KRTAP21-3: variants seen among roughly 807,000 people sequenced by gnomAD.
The protein encoded by KRTAP21-3 is keratin-associated protein 21-3.
For synonymous variants in KRTAP21-3, 22 were observed against 23.4 expected, an observed-to-expected ratio of 0.94 and a Z score of 0.17; for missense variants, 65 against 70.3, an observed-to-expected ratio of 0.92 and a Z score of 0.27.
Position 30,718,755 on chromosome 21 carries a change from T to C in KRTAP21-3, c.5A>G (p.Tyr2Cys), listed in dbSNP as rs1175905716. The C allele has an allele frequency of 6.5e-7, 1 of 1,530,590 alleles. No individual in the cohort carries two copies. Among genetic ancestry groups the C allele is most frequent in the African/African-American group, 1.4e-5 (1 of 71,776 alleles). The allele number at this position is 1,530,590 out of a possible 1,614,324, so 94.8% of individuals were successfully genotyped here. Reference protein sequence around the residue: MYFNYKSVCGSC... With the variant: MCFNYKSVCGSC... ...CCCACACACACTTTTGTAATTGAAA[T>C]ACATAGTGTCAGGAGATGAGAATTC... Residue 2 changes from tyrosine (Y) to cysteine (C), a missense_variant, in exon 1 of 1, where the codon TAT becomes TGT. Tyr to Cys is a radical substitution (Grantham distance 194). Transcript: ENST00000444335.
In KRTAP21-3 at chr21:30,718,738, C is replaced by G; in HGVS notation, c.22G>C (p.Val8Leu). 6.5e-7 allele frequency: 1 copy of G among 1,536,088 alleles called. No individual in the cohort carries two copies. The highest frequency in any genetic ancestry group is 8.8e-7 in the Non-Finnish European group (1 of 1,141,916). Residue 8 changes from valine to leucine, a missense_variant, in exon 1 of 1, where the codon GTG becomes CTG. Coordinates refer to ENST00000444335, the MANE Select transcript of KRTAP21-3 (RefSeq NM_001164435.1). ...GAGCCAAATCCACAGCTCCCACACA[C>G]ACTTTTGTAATTGAAATACATAGTG... The part of the protein sequence containing the change: MYFNYKS[V>L]CGSCGFGSCY...
rs1028394462 is a variant in KRTAP21-3 at position 30,718,550 on chromosome 21, C to T, written c.*33G>A. 1 of 1,482,826 alleles carries T rather than the reference C, an allele frequency of 6.7e-7. No homozygotes were observed. Among genetic ancestry groups the T allele is most frequent in the Non-Finnish European group, 8.9e-7 (1 of 1,117,370 alleles). The allele number at this position is 1,482,826 out of a possible 1,614,324, so 91.9% of individuals were successfully genotyped here. A position where few individuals can be genotyped will look rare whatever the true frequency, so the allele number is the denominator to read the frequency against. Reference sequence around the variant, plus strand: ...AGGATTGAAGGTGATTAAAGCAGAACAGATCTTTGAGAAACTAAATAAGAA... The same window carrying T: ...AGGATTGAAGGTGATTAAAGCAGAATAGATCTTTGAGAAACTAAATAAGAA... On this transcript the variant is annotated 3_prime_UTR_variant, in exon 1 of 1. Coordinates refer to ENST00000444335, the MANE Select transcript of KRTAP21-3 (RefSeq NM_001164435.1).
chr21:30,718,762 T>G lies in KRTAP21-3; in HGVS notation c.-3A>C. 1 of 1,506,524 alleles carries G rather than the reference T, an allele frequency of 6.6e-7. No individual in the cohort carries two copies. Among genetic ancestry groups the G allele is most frequent in the South Asian group, 1.3e-5 (1 of 75,646 alleles). 93.3% of individuals were successfully genotyped at this position (1,506,524 alleles called of 1,614,324 possible). A position where few individuals can be genotyped will look rare whatever the true frequency, so the allele number is the denominator to read the frequency against. ...ACACTTTTGTAATTGAAATACATAG[T>G]GTCAGGAGATGAGAATTCAGCCAGG... On this transcript the variant is annotated 5_prime_UTR_variant, in exon 1 of 1. Coordinates refer to ENST00000444335, the MANE Select transcript of KRTAP21-3 (RefSeq NM_001164435.1).
chr21:30,718,658 A>G lies in KRTAP21-3; in HGVS notation c.102T>C (p.Gly34=), dbSNP rs1381889175. Residue 34 remains glycine (G), a synonymous_variant, in exon 1 of 1, where the codon GGT becomes GGC. Transcript: ENST00000444335. ...ATTTATTTTCATAACAACCATAATA[A>G]CCGTTACAGCCACAGTGGGTGCTGT... The part of the protein sequence containing the change: ...CIHSTHCGCN[G]YYGCYENKYS... 1.4e-5 allele frequency: 22 copies of G among 1,549,394 alleles called. No individual in the cohort carries two copies. Among genetic ancestry groups the G allele is most frequent in the Non-Finnish European group, 1.8e-5 (21 of 1,146,248 alleles).
At position 30,718,530 on chromosome 21, in the gene KRTAP21-3, T is replaced by G; in HGVS notation, c.*53A>C. 7.1e-7 allele frequency: 1 copy of G among 1,402,190 alleles called. No homozygotes were observed. Among genetic ancestry groups the G allele is most frequent in the African/African-American group, 1.5e-5 (1 of 66,972 alleles). The allele number at this position is 1,402,190 out of a possible 1,614,324, so 86.9% of individuals were successfully genotyped here. The stretch of plus-strand genomic sequence containing the variant: ...TTCTCTAACGGAGAACTATCAGGAT[T>G]GAAGGTGATTAAAGCAGAACAGATC... On this transcript the variant is annotated 3_prime_UTR_variant, in exon 1 of 1. Coordinates refer to ENST00000444335, the MANE Select transcript of KRTAP21-3 (RefSeq NM_001164435.1).
At position 30,718,601 on chromosome 21, in the gene KRTAP21-3, A is replaced by T; in HGVS notation, c.159T>A (p.Ala53=). 1 of 1,533,194 alleles carries T rather than the reference A, an allele frequency of 6.5e-7. No homozygotes were observed. 95.0% of individuals were successfully genotyped at this position (1,533,194 alleles called of 1,614,324 possible). Residue 53 remains alanine (A), a synonymous_variant, in exon 1 of 1, where the codon GCT becomes GCA. Coordinates refer to ENST00000444335, the MANE Select transcript of KRTAP21-3 (RefSeq NM_001164435.1). ...ACAATGCTCAATGGCATTTCTTAGAAGCAAAAAATATCAGATCATCTATAA... is the reference window on the plus strand; with the variant it reads ...ACAATGCTCAATGGCATTTCTTAGATGCAAAAAATATCAGATCATCTATAA... The part of the protein sequence containing the change: ...YSVIDDLIFF[A]SKKCH
Position 30,718,595 on chromosome 21 carries a change from C to A in KRTAP21-3, c.165G>T (p.Lys55Asn), listed in dbSNP as rs553216446. ...TAAGAAACAATGCTCAATGGCATTT[C>A]TTAGAAGCAAAAAATATCAGATCAT... is the stretch of plus-strand genomic sequence containing the variant. ...VIDDLIFFAS[K>N]KCH is the part of the protein sequence containing the mutation. The change falls in exon 1 of 1, where the codon AAG becomes AAT. Residue 55 changes from lysine to asparagine, a missense_variant. Lys to Asn is a moderately conservative substitution (Grantham distance 94, BLOSUM62 0). Coordinates refer to ENST00000444335, the MANE Select transcript of KRTAP21-3 (RefSeq NM_001164435.1). 1 of 1,530,974 alleles carries A rather than the reference C, an allele frequency of 6.5e-7. No homozygotes were observed. The highest frequency in any genetic ancestry group is 2.5e-5 in the East Asian group (1 of 39,916). The allele number at this position is 1,530,974 out of a possible 1,614,324, so 94.8% of individuals were successfully genotyped here.
At position 30,718,587 on chromosome 21, in the gene KRTAP21-3, T is replaced by C; in HGVS notation, c.173A>G (p.His58Arg). 1 of 1,530,338 alleles carries C rather than the reference T, an allele frequency of 6.5e-7. No homozygotes were observed. The highest frequency in any genetic ancestry group is 8.8e-7 in the Non-Finnish European group (1 of 1,137,782). The allele number at this position is 1,530,338 out of a possible 1,614,324, so 94.8% of individuals were successfully genotyped here. ...AAACTAAATAAGAAACAATGCTCAATGGCATTTCTTAGAAGCAAAAAATAT... is the reference window on the plus strand; with the variant it reads ...AAACTAAATAAGAAACAATGCTCAACGGCATTTCTTAGAAGCAAAAAATAT... ...DLIFFASKKC[H>R] Residue 58 changes from histidine (H) to arginine (R), a missense_variant, in exon 1 of 1, where the codon CAT (histidine) becomes CGT (arginine). Coordinates refer to ENST00000444335, the MANE Select transcript of KRTAP21-3 (RefSeq NM_001164435.1).
rs749452420 is a variant in KRTAP21-3 at position 30,718,603 on chromosome 21, C to T, written c.157G>A (p.Ala53Thr). Residue 53 changes from alanine to threonine, a missense_variant, in exon 1 of 1, where the codon GCT becomes ACT. Coordinates refer to ENST00000444335, the MANE Select transcript of KRTAP21-3 (RefSeq NM_001164435.1). ...YSVIDDLIFFASKKCH is the reference protein window; with the variant it reads ...YSVIDDLIFFTSKKCH The stretch of plus-strand genomic sequence containing the variant: ...AATGCTCAATGGCATTTCTTAGAAG[C>T]AAAAAATATCAGATCATCTATAACA... 6 of 1,528,890 alleles carry T rather than the reference C, an allele frequency of 3.9e-6. No homozygotes were observed. The highest frequency in any genetic ancestry group is 2.8e-5 in the African/African-American group (2 of 71,680). 94.7% of individuals were successfully genotyped at this position (1,528,890 alleles called of 1,614,324 possible).
the KRTAP21-3 span, chr21:30,718,731 C>CCA: frequency 6.5e-7 from 1 of 1,538,058 alleles, no homozygotes; most frequent in Admixed American, 2.1e-5. Flanking sequence ...TCCACAGCTC[C>CCA]CACACACACT....
At position 30,718,670 on chromosome 21, in the gene KRTAP21-3, A is replaced by G; in HGVS notation, c.90T>C (p.Cys30=). Residue 30 remains cysteine (C), a synonymous_variant, in exon 1 of 1, where the codon TGT becomes TGC. Transcript: ENST00000444335. ...CGYGCIHSTH[C]GCNGYYGCYE... ...AACAACCATAATAACCGTTACAGCC[A>G]CAGTGGGTGCTGTGTATACAGCCAT... is the stretch of plus-strand genomic sequence containing the variant. The G allele has an allele frequency of 7.7e-6, 12 of 1,549,760 alleles. No homozygotes were observed. Among genetic ancestry groups the G allele is most frequent in the South Asian group, 2.4e-5 (2 of 83,570 alleles).
the KRTAP21-3 span, chr21:30,718,643 A>C: frequency 1.3e-6 from 2 of 1,549,186 alleles, no homozygotes; most frequent in Non-Finnish European, 1.7e-6. Flanking sequence ...ATTTATTTTC[A>C]TAACAACCAT....
In KRTAP21-3 at chr21:30,718,668, C is replaced by G. The variant is rs763642318; in HGVS notation, c.92G>C (p.Gly31Ala). 2 of 1,549,284 alleles carry G rather than the reference C, an allele frequency of 1.3e-6. No homozygotes were observed. Among genetic ancestry groups the G allele is most frequent in the South Asian group, 2.4e-5 (2 of 83,474 alleles). Residue 31 changes from glycine (G) to alanine (A), a missense_variant, in exon 1 of 1, where the codon GGC (glycine) becomes GCC (alanine). Coordinates refer to ENST00000444335, the MANE Select transcript of KRTAP21-3 (RefSeq NM_001164435.1). ...GYGCIHSTHC[G>A]CNGYYGCYEN... Reference sequence around the variant, plus strand: ...ATAACAACCATAATAACCGTTACAGCCACAGTGGGTGCTGTGTATACAGCC... The same window carrying G: ...ATAACAACCATAATAACCGTTACAGGCACAGTGGGTGCTGTGTATACAGCC...
Position 30,718,699 on chromosome 21 carries a change from C to G in KRTAP21-3, c.61G>C (p.Gly21Arg). Reference protein sequence around the residue: ...SCGFGSCYGCGYGCIHSTHCG... With the variant: ...SCGFGSCYGCRYGCIHSTHCG... The stretch of plus-strand genomic sequence containing the variant: ...TGGGTGCTGTGTATACAGCCATACC[C>G]ACAACCATAGCAAGAGCCAAATCCA... The change falls in exon 1 of 1, where the codon GGG becomes CGG. Residue 21 changes from glycine (G) to arginine (R), a missense_variant. Gly to Arg is a moderately radical substitution (Grantham distance 125, BLOSUM62 -2). Transcript: ENST00000444335. 6.5e-7 allele frequency: 1 copy of G among 1,546,136 alleles called. No individual in the cohort carries two copies. The highest frequency in any genetic ancestry group is 8.7e-7 in the Non-Finnish European group (1 of 1,145,028).
Position 30,718,695 on chromosome 21 carries a change from T to C in KRTAP21-3, c.65A>G (p.Tyr22Cys). Residue 22 changes from tyrosine (Y) to cysteine (C), a missense_variant, in exon 1 of 1, where the codon TAT becomes TGT. By Grantham distance (194) the Tyr-to-Cys change is radical (BLOSUM62 -2). Coordinates refer to ENST00000444335, the MANE Select transcript of KRTAP21-3 (RefSeq NM_001164435.1). ...CGFGSCYGCG[Y>C]GCIHSTHCGC... ...ACAGTGGGTGCTGTGTATACAGCCA[T>C]ACCCACAACCATAGCAAGAGCCAAA... The C allele has an allele frequency of 6.5e-7, 1 of 1,546,876 alleles. No individual in the cohort carries two copies. Among genetic ancestry groups the C allele is most frequent in the Non-Finnish European group, 8.7e-7 (1 of 1,145,300 alleles).
At position 30,718,736 on chromosome 21, in the gene KRTAP21-3, C is replaced by A; in HGVS notation, c.24G>T (p.Val8=). 2.0e-6 allele frequency: 3 copies of A among 1,537,012 alleles called. No homozygotes were observed. The highest frequency in any genetic ancestry group is 1.8e-6 in the Non-Finnish European group (2 of 1,142,180). Residue 8 remains valine (V), a synonymous_variant, in exon 1 of 1, where the codon GTG becomes GTT. Transcript: ENST00000444335. The part of the protein sequence containing the change: MYFNYKS[V]CGSCGFGSCY... ...AAGAGCCAAATCCACAGCTCCCACA[C>A]ACACTTTTGTAATTGAAATACATAG...
chr21:30,718,713 G>C lies in KRTAP21-3; in HGVS notation c.47C>G (p.Ser16Cys). The change falls in exon 1 of 1, where the codon TCT (serine) becomes TGT (cysteine). Residue 16 changes from serine (S) to cysteine (C), a missense_variant. Ser to Cys is a moderately radical substitution (Grantham distance 112). Transcript: ENST00000444335. Reference protein sequence around the residue: ...KSVCGSCGFGSCYGCGYGCIH... With the variant: ...KSVCGSCGFGCCYGCGYGCIH... ...ACAGCCATACCCACAACCATAGCAA[G>C]AGCCAAATCCACAGCTCCCACACAC... is the stretch of plus-strand genomic sequence containing the variant. 6.5e-7 allele frequency: 1 copy of C among 1,544,564 alleles called. No individual in the cohort carries two copies. Among genetic ancestry groups the C allele is most frequent in the Admixed American group, 2.0e-5 (1 of 49,390 alleles).
chr21:30,718,763 G>A lies in KRTAP21-3; in HGVS notation c.-4C>T. 2.0e-6 allele frequency: 3 copies of A among 1,506,264 alleles called. No individual in the cohort carries two copies. The highest frequency in any genetic ancestry group is 2.7e-6 in the Non-Finnish European group (3 of 1,130,332). The allele number at this position is 1,506,264 out of a possible 1,614,324, so 93.3% of individuals were successfully genotyped here. On this transcript the variant is annotated 5_prime_UTR_variant, in exon 1 of 1. Transcript: ENST00000444335. ...CACTTTTGTAATTGAAATACATAGTGTCAGGAGATGAGAATTCAGCCAGGT... is the reference window on the plus strand; with the variant it reads ...CACTTTTGTAATTGAAATACATAGTATCAGGAGATGAGAATTCAGCCAGGT...
chr21:30,718,678 T>C lies in KRTAP21-3; in HGVS notation c.82A>G (p.Thr28Ala). Residue 28 changes from threonine to alanine, a missense_variant, in exon 1 of 1, where the codon ACC becomes GCC. Coordinates refer to ENST00000444335, the MANE Select transcript of KRTAP21-3 (RefSeq NM_001164435.1). ...YGCGYGCIHSTHCGCNGYYGC... is the reference protein window; with the variant it reads ...YGCGYGCIHSAHCGCNGYYGC... ...TAATAACCGTTACAGCCACAGTGGG[T>C]GCTGTGTATACAGCCATACCCACAA... 1.3e-6 allele frequency: 2 copies of C among 1,549,424 alleles called. No homozygotes were observed. The highest frequency in any genetic ancestry group is 1.7e-6 in the Non-Finnish European group (2 of 1,146,006).
Sources: allele counts gnomAD v4.1 joint callset, GRCh38; gene constraint gnomAD v4.1.1; transcripts MANE v1.5; gene names NCBI Gene and HGNC (gene_info 2026-07-23, HGNC 2026-07-21).